RASGRP1: variants seen among roughly 807,000 people sequenced by gnomAD.
The protein encoded by RASGRP1 is RAS guanyl-releasing protein 1.
A neutral mutation model predicts 95.1 loss-of-function variants in RASGRP1; 37 were observed. The ratio of observed to expected loss-of-function variants is 0.39; its 90% CI spans 0.30 to 0.51. RASGRP1 has a LOEUF of 0.51. Ranked by LOEUF, RASGRP1 falls within the 20% of genes least tolerant of loss-of-function variation. The probability of loss-of-function intolerance (pLI) is 0.80; values close to 1 mark genes in which losing one functional copy is unlikely to be tolerated. For missense variants in RASGRP1, 711 were observed against 965.4 expected, an observed-to-expected ratio of 0.74 and a Z score of 3.49; for synonymous variants, 325 against 353.4, an observed-to-expected ratio of 0.92 and a Z score of 0.90.
At chr15:38,514,299 GAT>G (rs1039746116) in intron 6 of RASGRP1, among the ~76,000 whole-genome samples, 1 of 152,096 alleles carries the variant, frequency 6.6e-6, no homozygotes, top group Non-Finnish European at 1.5e-5. Flanking sequence ...CCTTAAGAGA[GAT>G]ATATAAAGCA....
At chr15:38,537,896 G>A (rs534997564) in intron 2 of RASGRP1, among the ~76,000 whole-genome samples, 84 of 152,280 alleles carry the variant, frequency 5.5e-4, no homozygotes, top group African/African-American at 1.2e-3. Context: ...GAACTGCACC[G>A]GTGAGTGAGG....
Position 38,558,366 on chromosome 15 carries a change from G to T in RASGRP1, c.220+1455C>A, listed in dbSNP as rs550277209. Among the ~76,000 whole-genome samples, 4 of 152,298 alleles carry T rather than the reference G, an allele frequency of 2.6e-5. No individual in the cohort carries two copies. The South Asian group carries it at 8.3e-4, about 32-fold the overall frequency. On this transcript the variant is annotated intron_variant, in intron 2 of 16. Transcript: ENST00000310803. The stretch of plus-strand genomic sequence containing the variant: ...GCTCCCAGATTCATCTTAACTGAAT[G>T]ATTAAAGTGTGAAATAAGATTGAAG...
At position 38,501,011 on chromosome 15, in the gene RASGRP1, T is replaced by C. The variant is rs141179756; in HGVS notation, c.1683+132A>G. Reference sequence around the variant, plus strand: ...AGGTAAAAACCACACGCTTGAGCTCTAGGTTATTCTAGGTGTCTGTCTGGG... The same window carrying C: ...AGGTAAAAACCACACGCTTGAGCTCCAGGTTATTCTAGGTGTCTGTCTGGG... On this transcript the variant is annotated intron_variant, in intron 13 of 16. Transcript: ENST00000310803. The C allele has an allele frequency of 3.3e-4, 357 of 1,072,668 alleles. No individual in the cohort carries two copies. The African/African-American group carries it at 5.2e-3, about 16-fold the overall frequency. The allele number at this position is 1,072,668 out of a possible 1,614,324, so 66.4% of individuals were successfully genotyped here.
chr15:38,517,639 C>T (rs1345119788), intron 5 of RASGRP1, among the ~76,000 whole-genome samples: 1 of 152,092 alleles, frequency 6.6e-6, no homozygotes, highest in East Asian at 1.9e-4. Flanking sequence ...GAAATGATCT[C>T]TAGAATATAT....
chr15:38,493,168 C>A (rs1344369560), intron 16 of RASGRP1, among the ~76,000 whole-genome samples: 1 of 149,486 alleles, frequency 6.7e-6, no homozygotes, highest in Non-Finnish European at 1.5e-5. Flanking sequence ...GCGTGAGCCA[C>A]CACGCCGGGC....
At chr15:38,520,306 G>T (rs1025413671) in intron 3 of RASGRP1, among the ~76,000 whole-genome samples, 3 of 152,150 alleles carry the variant, frequency 2.0e-5, no homozygotes, top group African/African-American at 7.2e-5. Flanking sequence ...CCCATGAGAG[G>T]AATCCAGTGA....
intron 1 of RASGRP1, among the ~76,000 whole-genome samples, chr15:38,563,666 T>C (rs915324302): frequency 6.6e-6 from 1 of 152,142 alleles, no homozygotes. Context: ...AACTCCTCCT[T>C]CTGAATCTAG....
chr15:38,538,536 C>A (rs1335593052), intron 2 of RASGRP1, among the ~76,000 whole-genome samples: 5 of 152,208 alleles, frequency 3.3e-5, no homozygotes, highest in Non-Finnish European at 5.9e-5. Flanking sequence ...GTGTACCAGA[C>A]ACTGTTTCAA....
At chr15:38,524,516 C>T (rs1461240341) in intron 3 of RASGRP1, 1 of 152,314 alleles carries the variant, frequency 6.6e-6, no homozygotes, top group Non-Finnish European at 1.5e-5. Context: ...GGTTGTCAGT[C>T]ATGCCTAATG....
At chr15:38,551,971 G>T (rs1409247908) in intron 2 of RASGRP1, among the ~76,000 whole-genome samples, 2 of 152,190 alleles carry the variant, frequency 1.3e-5, no homozygotes, top group Admixed American at 6.5e-5. Flanking sequence ...TAAGCAGATG[G>T]AATCAGAAAT....
intron 2 of RASGRP1, among the ~76,000 whole-genome samples, chr15:38,537,918 A>G (rs990254513): frequency 1.3e-5 from 2 of 152,178 alleles, no homozygotes; most frequent in African/African-American, 4.8e-5. Flanking sequence ...ATCTCTTACT[A>G]TTCAAAGGAA....
intron 10 of RASGRP1, 45 bp from the exon 11 acceptor site, chr15:38,503,421 A>T: frequency 7.4e-7 from 1 of 1,345,588 alleles, no homozygotes; most frequent in Non-Finnish European, 1.0e-6. Context: ...ACAATGCAAT[A>T]TTATAACCTA....
rs1213428018 is a variant in RASGRP1, at chr15:38,489,202, T to C, written c.*1352A>G. 2 of 151,980 alleles carry C rather than the reference T, an allele frequency of 1.3e-5. No homozygotes were observed. Among genetic ancestry groups the C allele is most frequent in the African/African-American group, 4.8e-5 (2 of 41,426 alleles). The allele number at this position is 151,980 out of a possible 1,614,324, so 9.4% of individuals were successfully genotyped here. ...TTCAAGTCAGTCTGGTACCAGACTT[T>C]ATAGGCATGGAAGCTAAGTACCCCC... is the stretch of plus-strand genomic sequence containing the variant. On this transcript the variant is annotated 3_prime_UTR_variant, in exon 17 of 17. Coordinates refer to ENST00000310803, the MANE Select transcript of RASGRP1 (RefSeq NM_005739.4).
intron 16 of RASGRP1, among the ~76,000 whole-genome samples, chr15:38,493,663 A>G (rs1890684544): frequency 6.6e-6 from 1 of 152,160 alleles, no homozygotes; most frequent in African/African-American, 2.4e-5. Context: ...TTAACATTTT[A>G]TAGATTATAT....
intron 7 of RASGRP1, 49 bp downstream of exon 7, chr15:38,512,734 G>T: frequency 6.2e-7 from 1 of 1,603,682 alleles, no homozygotes; most frequent in African/African-American, 1.3e-5. Context: ...AAAGGGGATA[G>T]AAAGTTTACC....
In RASGRP1 at chr15:38,494,619, C is replaced by A; in HGVS notation, c.2022G>T (p.Gln674His). 6.4e-7 allele frequency: 1 copy of A among 1,557,320 alleles called. No individual in the cohort carries two copies. The highest frequency in any genetic ancestry group is 1.2e-5 in the South Asian group (1 of 81,890). The change falls in exon 16 of 17, where the codon CAG becomes CAT. Residue 674 changes from glutamine (Q) to histidine (H), a missense_variant. Physicochemically the swap from Gln to His is conservative, Grantham distance 24. Transcript: ENST00000310803. ...TGCCAATCCAAGGCTGTGATTCAGT[C>A]TGGGTGGCCTTGTGGGCAACAGCCC... ...LKRAVAHKAT[Q>H]TESQPWIGSE...
At chr15:38,564,458 T>G in intron 1 of RASGRP1, 136 bp downstream of exon 1, 1 of 536,420 alleles carries the variant, frequency 1.9e-6, no homozygotes, top group Non-Finnish European at 2.5e-6. Flanking sequence ...CCCGTCGCGC[T>G]GGTGTCCCGG....
chr15:38,511,793 C>G (rs1232476329), intron 7 of RASGRP1, 73 bp from the exon 8 acceptor site: 13 of 1,149,774 alleles, frequency 1.1e-5, no homozygotes, highest in African/African-American at 1.5e-5. Flanking sequence ...GAGGCTGCCT[C>G]TTGTCTCTGT....
In RASGRP1 at chr15:38,489,153, C is replaced by T. The variant is rs528173334; in HGVS notation, c.*1401G>A. On this transcript the variant is annotated 3_prime_UTR_variant, in exon 17 of 17. Transcript: ENST00000310803. ...CTTTTAATTGTTAACATATTCTTGG[C>T]AATTGGACAACTTGTTTATGAATTT... 67 of 151,852 alleles carry T rather than the reference C, an allele frequency of 4.4e-4. No individual in the cohort carries two copies. Among genetic ancestry groups the T allele is most frequent in the African/African-American group, 1.6e-3 (65 of 41,446 alleles). 9.4% of individuals were successfully genotyped at this position (151,852 alleles called of 1,614,324 possible).
Sources: gnomAD v4.1 joint callset for allele counts (sites outside exome capture counted in the v4.1 genomes callset) on GRCh38, gnomAD v4.1.1 for gene constraint, MANE v1.5 for transcripts, NCBI Gene and HGNC (gene_info 2026-07-23, HGNC 2026-07-21) for gene names.